Variants in CACNB2 observed in about 807,000 individuals in gnomAD.
CACNB2 encodes voltage-dependent L-type calcium channel subunit beta-2.
A neutral mutation model predicts 73.3 loss-of-function variants in CACNB2; 42 were observed. The observed-to-expected ratio is 0.57, with a 90% CI of 0.45 to 0.74. CACNB2 has a LOEUF of 0.74. Among genes scored for constraint, CACNB2 ranks in the 30% least tolerant of loss-of-function variants. The pLI is 0.00. For missense variants in CACNB2, 940 were observed against 853.0 expected (o/e 1.10, Z -1.27); for synonymous variants, 348 against 310.3 (o/e 1.12, Z -1.28).
At chr10:18,144,735 A>G (rs79020486) in intron 1 of CACNB2, among the ~76,000 whole-genome samples, 3,182 of 152,334 alleles carry the variant, frequency 0.021, 44 homozygotes, top group South Asian at 0.039. Flanking sequence ...AATTGATGAC[A>G]TGTTGCAATG....
At chr10:18,371,810 G>C (rs546727608) in intron 2 of CACNB2, among the ~76,000 whole-genome samples, 93 of 152,308 alleles carry the variant, frequency 6.1e-4, no homozygotes, top group African/African-American at 2.1e-3. Flanking sequence ...CTAGTTTACA[G>C]TCCCACCAAC....
At chr10:18,281,013 C>T (rs935582214) in intron 2 of CACNB2, among the ~76,000 whole-genome samples, 43 of 152,170 alleles carry the variant, frequency 2.8e-4, no homozygotes, top group Non-Finnish European at 1.0e-4. Flanking sequence ...AGTGAATTAC[C>T]TTGCTGGGCT....
intron 2 of CACNB2, among the ~76,000 whole-genome samples, chr10:18,237,867 A>G (rs10828333): frequency 0.4 from 61,254 of 152,100 alleles, 13,080 homozygotes; most frequent in Non-Finnish European, 0.47. Context: ...AAAGGTAGGC[A>G]GGAATTAGCC....
At chr10:18,216,715 T>C (rs2035526123) in intron 2 of CACNB2, among the ~76,000 whole-genome samples, 1 of 152,210 alleles carries the variant, frequency 6.6e-6, no homozygotes, top group East Asian at 1.9e-4. Flanking sequence ...TCCCATTCTC[T>C]CATAACCCCT....
intron 3 of CACNB2, among the ~76,000 whole-genome samples, chr10:18,488,598 C>G (rs1327321932): frequency 6.6e-6 from 1 of 151,762 alleles, no homozygotes; most frequent in Non-Finnish European, 1.5e-5. Flanking sequence ...ATGAGGGACA[C>G]CCATCGTTCT....
At chr10:18,251,595 G>A (rs921371262) in intron 2 of CACNB2, among the ~76,000 whole-genome samples, 3 of 152,092 alleles carry the variant, frequency 2.0e-5, no homozygotes, top group Non-Finnish European at 4.4e-5. Context: ...GTATTAGTCC[G>A]TTCTCACACT....
At chr10:18,260,795 T>C in intron 2 of CACNB2, 1 of 1,016,828 alleles carries the variant, frequency 9.8e-7, no homozygotes. Flanking sequence ...AGCAGTCACA[T>C]AAACAGCAGC....
intron 3 of CACNB2, among the ~76,000 whole-genome samples, chr10:18,480,724 G>C (rs1183629385): frequency 6.6e-6 from 1 of 152,182 alleles, no homozygotes; most frequent in Non-Finnish European, 1.5e-5. Context: ...TAGGAACTAT[G>C]GTTAGGGCTA....
At chr10:18,385,913 A>G (rs1050257724) in intron 2 of CACNB2, among the ~76,000 whole-genome samples, 9 of 152,186 alleles carry the variant, frequency 5.9e-5, no homozygotes, top group Non-Finnish European at 1.5e-5. Flanking sequence ...ATCTGTTATC[A>G]CAAATAGTGC....
chr10:18,261,647 C>A (rs1475431850), intron 2 of CACNB2, among the ~76,000 whole-genome samples: 1 of 152,050 alleles, frequency 6.6e-6, no homozygotes, highest in Non-Finnish European at 1.5e-5. Flanking sequence ...CTAGAGTAGT[C>A]CTGTTTTCAT....
chr10:18,165,188 T>A (rs1206678918), intron 2 of CACNB2, among the ~76,000 whole-genome samples: 1 of 152,120 alleles, frequency 6.6e-6, no homozygotes, highest in African/African-American at 2.4e-5. Flanking sequence ...TTGAGCTGGA[T>A]ATTGAAGAAT....
intron 2 of CACNB2, among the ~76,000 whole-genome samples, chr10:18,234,939 C>T (rs1000838676): frequency 6.7e-6 from 1 of 150,036 alleles, no homozygotes; most frequent in Non-Finnish European, 1.5e-5. Flanking sequence ...GTCAGGAGAT[C>T]GAGACCATCC....
At position 18,481,043 on chromosome 10, in the gene CACNB2, A is replaced by T. The variant is rs150283927; in HGVS notation, c.334-17312A>T. 1.9e-3 allele frequency among the ~76,000 whole-genome samples: 290 copies of T among 151,296 alleles called. 1 individual carries two copies. Among genetic ancestry groups the T allele is most frequent in the African/African-American group, 6.9e-3 (284 of 41,256 alleles). The stretch of plus-strand genomic sequence containing the variant: ...CCTCTCTGTGGCAATTCCTCTGCAT[A>T]AGGCCAACAGGTCTTCCTTGTTGGC... On this transcript the variant is annotated intron_variant, in intron 3 of 13. Coordinates refer to ENST00000324631, the MANE Select transcript of CACNB2 (RefSeq NM_201596.3).
chr10:18,279,505 A>G (rs2038447268), intron 2 of CACNB2, among the ~76,000 whole-genome samples: 1 of 152,196 alleles, frequency 6.6e-6, no homozygotes, highest in Middle Eastern at 3.2e-3. Context: ...CTTGGCAGAC[A>G]TTTGTATTAT....
intron 3 of CACNB2, among the ~76,000 whole-genome samples, chr10:18,406,086 C>T (rs1345845942): frequency 1.3e-5 from 2 of 152,132 alleles, no homozygotes; most frequent in Admixed American, 1.3e-4. Flanking sequence ...AAATGTTAGG[C>T]CCAGTTGGTG....
chr10:18,429,543 T>C (rs931282049), intron 3 of CACNB2, among the ~76,000 whole-genome samples: 14 of 151,840 alleles, frequency 9.2e-5, no homozygotes, highest in African/African-American at 3.4e-4. Flanking sequence ...AATGTCAAGT[T>C]AGGCCAGGCA....
intron 2 of CACNB2, among the ~76,000 whole-genome samples, chr10:18,194,742 A>G (rs1031854545): frequency 6.6e-6 from 1 of 152,186 alleles, no homozygotes; most frequent in Non-Finnish European, 1.5e-5. Context: ...TCCAGATTCA[A>G]CCTTATCTTT....
chr10:18,410,522 A>C (rs1272821783), intron 3 of CACNB2, among the ~76,000 whole-genome samples: 1 of 152,234 alleles, frequency 6.6e-6, no homozygotes, highest in Non-Finnish European at 1.5e-5. Flanking sequence ...AAAAATATTA[A>C]ACATGTTTTA....
chr10:18,252,029 C>T (rs1229400795), intron 2 of CACNB2, among the ~76,000 whole-genome samples: 1 of 152,226 alleles, frequency 6.6e-6, no homozygotes, highest in Admixed American at 6.5e-5. Context: ...ATAATGCTCA[C>T]TGGGTGCCTG....
Sources: gnomAD v4.1 joint callset for allele counts (sites outside exome capture counted in the v4.1 genomes callset) on GRCh38, gnomAD v4.1.1 for gene constraint, MANE v1.5 for transcripts, NCBI Gene and HGNC (gene_info 2026-07-23, HGNC 2026-07-21) for gene names.